DHX15: variants seen among roughly 807,000 people sequenced by gnomAD.
The protein encoded by DHX15 is ATP-dependent RNA helicase DHX15.
A neutral mutation model predicts 94.4 loss-of-function variants in DHX15; 11 were observed. That is an observed-to-expected ratio of 0.12 (90% CI 0.07 to 0.19). The LOEUF (loss-of-function observed/expected upper bound fraction) is 0.19, where lower values mean the gene tolerates loss of function less well. DHX15 is among the 10% of genes least tolerant of loss of function. DHX15 has a pLI of 1.00. For missense variants in DHX15, 304 were observed against 988.5 expected, an observed-to-expected ratio of 0.31 and a Z score of 9.29; for synonymous variants, 338 against 329.9, an observed-to-expected ratio of 1.02 and a Z score of -0.27.
intron 1 of DHX15, among the ~76,000 whole-genome samples, chr4:24,582,489 C>G (rs1412200624): frequency 6.6e-6 from 1 of 152,240 alleles, no homozygotes; most frequent in Non-Finnish European, 1.5e-5. Context: ...TTCATTCCCT[C>G]CCAGAATATT....
chr4:24,543,091 A>T, intron 6 of DHX15, 65 bp from the exon 7 acceptor site: 2 of 1,132,020 alleles, frequency 1.8e-6, no homozygotes, highest in Non-Finnish European at 2.6e-6. Context: ...ACTGTTAAAG[A>T]TCAGCCACTA....
intron 3 of DHX15, among the ~76,000 whole-genome samples, chr4:24,565,650 A>G (rs1373723504): frequency 6.6e-6 from 1 of 152,238 alleles, no homozygotes; most frequent in African/African-American, 2.4e-5. Flanking sequence ...TAATTCAATT[A>G]TTGTGCCAAA....
chr4:24,572,600 A>T (rs748511235), intron 2 of DHX15, among the ~76,000 whole-genome samples: 1 of 152,234 alleles, frequency 6.6e-6, no homozygotes, highest in Non-Finnish European at 1.5e-5. Context: ...TAAGAAATTA[A>T]AACTGAAAAA....
chr4:24,539,879 T>A lies in DHX15; in HGVS notation c.1786+229A>T, dbSNP rs142888397. On this transcript the variant is annotated intron_variant, in intron 10 of 13. Coordinates refer to ENST00000336812, the MANE Select transcript of DHX15 (RefSeq NM_001358.3). ...AACTTACTGCAATTTTTATTAGCACTCAAGAGAGCCAATGCTTTACTTATC... is the reference window on the plus strand; with the variant it reads ...AACTTACTGCAATTTTTATTAGCACACAAGAGAGCCAATGCTTTACTTATC... 626 of 329,978 alleles carry A rather than the reference T, an allele frequency of 1.9e-3. 2 individuals are homozygous for A. The highest frequency in any genetic ancestry group is 0.012 in the African/African-American group (579 of 47,178). 20.4% of individuals were successfully genotyped at this position (329,978 alleles called of 1,614,324 possible).
chr4:24,532,305 G>C (rs921280478), intron 12 of DHX15, among the ~76,000 whole-genome samples: 1 of 152,172 alleles, frequency 6.6e-6, no homozygotes, highest in Non-Finnish European at 1.5e-5. Context: ...CAGTACGCAA[G>C]GGTCTTGGTC....
chr4:24,541,080 A>G, intron 8 of DHX15, 132 bp from the exon 9 acceptor site: 1 of 532,592 alleles, frequency 1.9e-6, no homozygotes. Flanking sequence ...GTAGAGATAA[A>G]TACTTGTAGG....
intron 6 of DHX15, among the ~76,000 whole-genome samples, chr4:24,546,420 A>G (rs1426571581): frequency 2.6e-5 from 4 of 152,374 alleles, no homozygotes; most frequent in African/African-American, 4.8e-5. Flanking sequence ...TTGTATTTTA[A>G]TAACAACCAA....
At chr4:24,547,929 A>ATATC (rs1560765873) in intron 6 of DHX15, among the ~76,000 whole-genome samples, 10 of 41,026 alleles carry the variant, frequency 2.4e-4, no homozygotes, top group East Asian at 1.0e-3. Flanking sequence ...ATATATATAT[A>ATATC]TATATATATA....
chr4:24,567,063 T>C (rs1244608238), intron 3 of DHX15, among the ~76,000 whole-genome samples: 1 of 152,198 alleles, frequency 6.6e-6, no homozygotes, highest in Non-Finnish European at 1.5e-5. Flanking sequence ...AATCATTATG[T>C]GTACAAATTA....
chr4:24,533,166 G>T (rs1721123287), intron 11 of DHX15, 112 bp from the exon 12 acceptor site: 6 of 925,236 alleles, frequency 6.5e-6, no homozygotes, highest in Non-Finnish European at 1.1e-5. Flanking sequence ...CCAGAAAGGA[G>T]ATTTACCCAC....
At chr4:24,566,566 C>A (rs1721998024) in intron 3 of DHX15, among the ~76,000 whole-genome samples, 1 of 152,188 alleles carries the variant, frequency 6.6e-6, no homozygotes, top group Non-Finnish European at 1.5e-5. Flanking sequence ...TGGCTCACGC[C>A]TGTAATCCCA....
At chr4:24,563,851 G>A (rs1231039518) in intron 3 of DHX15, among the ~76,000 whole-genome samples, 1 of 152,078 alleles carries the variant, frequency 6.6e-6, no homozygotes, top group African/African-American at 2.4e-5. Context: ...GGATCACGAG[G>A]TCAGGAGATC....
intron 11 of DHX15, among the ~76,000 whole-genome samples, chr4:24,535,309 A>G (rs1158019580): frequency 6.6e-6 from 1 of 152,208 alleles, no homozygotes; most frequent in Non-Finnish European, 1.5e-5. Flanking sequence ...AATAGGTCAT[A>G]CATCTAGTGA....
intron 3 of DHX15, among the ~76,000 whole-genome samples, chr4:24,560,168 C>A (rs1013194870): frequency 4.0e-5 from 6 of 151,880 alleles, no homozygotes; most frequent in African/African-American, 1.5e-4. Flanking sequence ...TTTGAACAAA[C>A]CATGGTAAAA....
chr4:24,584,220 G>A (rs1034990936), intron 1 of DHX15, 103 bp downstream of exon 1: 1 of 1,210,822 alleles, frequency 8.3e-7, no homozygotes, highest in South Asian at 1.3e-5. Context: ...AGAAACAAAG[G>A]CTCGGGCTCC....
intron 12 of DHX15, chr4:24,530,918 TAA>T (rs1331533724): frequency 6.6e-6 from 1 of 152,172 alleles, no homozygotes; most frequent in Non-Finnish European, 1.5e-5. Context: ...TGTTTGTTTT[TAA>T]AAAGAGATAG....
At chr4:24,576,738 T>A (rs1722276547) in intron 1 of DHX15, 60 bp from the exon 2 acceptor site, 2 of 1,573,048 alleles carry the variant, frequency 1.3e-6, no homozygotes, top group East Asian at 4.5e-5. Context: ...CACGGTAGCG[T>A]TATAATCACA....
intron 11 of DHX15, chr4:24,533,528 C>G (rs973765910): frequency 6.3e-6 from 1 of 159,540 alleles, no homozygotes; most frequent in Non-Finnish European, 1.4e-5. Flanking sequence ...TTGCGACACA[C>G]GTGTCTCTCA....
At chr4:24,567,836 G>A (rs1451600725) in intron 3 of DHX15, among the ~76,000 whole-genome samples, 1 of 152,120 alleles carries the variant, frequency 6.6e-6, no homozygotes, top group Non-Finnish European at 1.5e-5. Context: ...TGCTTCAGAA[G>A]AAAAGGATGG....
Sources: gnomAD v4.1 joint callset for allele counts (sites outside exome capture counted in the v4.1 genomes callset) on GRCh38, gnomAD v4.1.1 for gene constraint, MANE v1.5 for transcripts, NCBI Gene and HGNC (gene_info 2026-07-23, HGNC 2026-07-21) for gene names.